Variants in ZFAND3 observed in about 807,000 individuals in gnomAD.
The protein encoded by ZFAND3 is AN1-type zinc finger protein 3.
Under a neutral mutation model 29.6 loss-of-function variants are expected in ZFAND3, and 10 were observed. The observed-to-expected ratio is 0.34, with a 90% CI of 0.21 to 0.57. The LOEUF (loss-of-function observed/expected upper bound fraction) is 0.57, where lower values mean the gene tolerates loss of function less well. ZFAND3 is among the 20% of genes least tolerant of loss of function. The pLI, the probability that ZFAND3 is intolerant of heterozygous loss-of-function variation, is 0.86. For synonymous variants in ZFAND3, 128 were observed against 112.6 expected, an observed-to-expected ratio of 1.14 and a Z score of -0.87; for missense variants, 230 against 304.5, an observed-to-expected ratio of 0.76 and a Z score of 1.82.
chr6:37,899,105 TAGTC>T (rs1423456664), intron 1 of ZFAND3, among the ~76,000 whole-genome samples: 1 of 152,144 alleles, frequency 6.6e-6, no homozygotes, highest in African/African-American at 2.4e-5. Context: ...TTCACCGTGT[TAGTC>T]AGTGTGGTCT....
chr6:38,069,357 T>C (rs1328294822), intron 3 of ZFAND3, among the ~76,000 whole-genome samples: 2 of 152,230 alleles, frequency 1.3e-5, no homozygotes, highest in Non-Finnish European at 2.9e-5. Context: ...GTCTTTCTCT[T>C]TGCTTTTCTC....
chr6:38,109,606 G>A (rs539237909), intron 4 of ZFAND3, among the ~76,000 whole-genome samples: 8 of 152,106 alleles, frequency 5.3e-5, no homozygotes, highest in Admixed American at 6.5e-5. Context: ...ATGGTGTACC[G>A]CCAAAATCAG....
rs572533631 is a variant in ZFAND3, at chr6:38,073,167, C to T, written c.296-9225C>T. ...TCCAAGTTGTTTTTACAAGTCCACG[C>T]AACAGTACCTGTGGCCTGAATAGAT... On this transcript the variant is annotated intron_variant, in intron 3 of 5. Coordinates refer to ENST00000287218, the MANE Select transcript of ZFAND3 (RefSeq NM_021943.3). Among the ~76,000 whole-genome samples, 9 of 152,234 alleles carry T rather than the reference C, an allele frequency of 5.9e-5. No homozygotes were observed. In the East Asian group the frequency reaches 1.5e-3, roughly 26 times the overall value.
In ZFAND3 at chr6:37,819,981, C is replaced by T. The variant is rs1212693166; in HGVS notation, c.36C>T (p.Pro12=). ...GDAGSERSKA[P]SLPPRCPCGF... is the part of the protein sequence containing the mutation. ...CTGGGAGCGAGCGCAGCAAAGCGCCCAGCCTGCCGCCTCGCTGTCCCTGCG... is the reference window on the plus strand; with the variant it reads ...CTGGGAGCGAGCGCAGCAAAGCGCCTAGCCTGCCGCCTCGCTGTCCCTGCG... Residue 12 remains proline (P), a synonymous_variant, in exon 1 of 6, where the codon CCC becomes CCT. Transcript: ENST00000287218. 19 of 1,222,586 alleles carry T rather than the reference C, an allele frequency of 1.6e-5. No individual in the cohort carries two copies. In the African/African-American group the frequency reaches 2.4e-4, roughly 15 times the overall value. The allele number at this position is 1,222,586 out of a possible 1,614,324, so 75.7% of individuals were successfully genotyped here.
Position 38,141,069 on chromosome 6 carries a change from G to A in ZFAND3, c.530-11166G>A, listed in dbSNP as rs917833018. 7.5e-5 allele frequency among the ~76,000 whole-genome samples: 11 copies of A among 145,906 alleles called. 1 individual carries two copies. Among genetic ancestry groups the A allele is most frequent in the Admixed American group, 3.6e-4 (5 of 14,078 alleles). On this transcript the variant is annotated intron_variant, in intron 5 of 5. Coordinates refer to ENST00000287218, the MANE Select transcript of ZFAND3 (RefSeq NM_021943.3). ...CTTGCAGTTCAGATTTTGTGGAAAC[G>A]GGGCAAAAGCATGCTTGTACTTCTA...
chr6:37,909,801 G>A (rs1480649013), intron 1 of ZFAND3, among the ~76,000 whole-genome samples: 1 of 151,986 alleles, frequency 6.6e-6, no homozygotes, highest in Non-Finnish European at 1.5e-5. Flanking sequence ...AGAGAATACA[G>A]CATGTCAATA....
At position 38,022,963 on chromosome 6, in the gene ZFAND3, G is replaced by A. The variant is rs149743104; in HGVS notation, c.113-38630G>A. On this transcript the variant is annotated intron_variant, in intron 2 of 5. Coordinates refer to ENST00000287218, the MANE Select transcript of ZFAND3 (RefSeq NM_021943.3). ...TTTTCTCTTGTAAAGGCAAGGAACG[G>A]GTATGTGTGTTGGGAGTGGTTAGCT... is the stretch of plus-strand genomic sequence containing the variant. Among the ~76,000 whole-genome samples the A allele has an allele frequency of 9.5e-3, 1,449 of 152,222 alleles. 15 individuals are homozygous for A. Among genetic ancestry groups the A allele is most frequent in the African/African-American group, 0.032 (1,339 of 41,546 alleles).
intron 1 of ZFAND3, among the ~76,000 whole-genome samples, chr6:37,927,447 G>A (rs1367587867): frequency 1.3e-5 from 2 of 152,238 alleles, no homozygotes; most frequent in East Asian, 1.9e-4. Flanking sequence ...GAGAAGTTGA[G>A]TGGAGATGAG....
intron 5 of ZFAND3, among the ~76,000 whole-genome samples, chr6:38,122,859 G>A (rs1232862719): frequency 2.6e-5 from 4 of 152,186 alleles, no homozygotes; most frequent in South Asian, 2.1e-4. Flanking sequence ...TCACAATTGG[G>A]GCTTTAAAGG....
intron 2 of ZFAND3, among the ~76,000 whole-genome samples, chr6:37,986,569 G>A (rs1310276107): frequency 2.0e-5 from 3 of 152,116 alleles, no homozygotes; most frequent in African/African-American, 4.8e-5. Flanking sequence ...ATAAAAATAA[G>A]CGTTTAATTA....
At chr6:37,877,257 T>A (rs182084279) in intron 1 of ZFAND3, among the ~76,000 whole-genome samples, 75 of 152,330 alleles carry the variant, frequency 4.9e-4, no homozygotes, top group Admixed American at 1.8e-3. Context: ...AAAAAAGTCC[T>A]TAGTGCAGCA....
At chr6:38,145,701 G>A (rs1209857205) in intron 5 of ZFAND3, among the ~76,000 whole-genome samples, 2 of 152,170 alleles carry the variant, frequency 1.3e-5, no homozygotes, top group African/African-American at 4.8e-5. Flanking sequence ...ATTTTCTGCC[G>A]GGAATGTGTT....
In ZFAND3 at chr6:37,891,424, C is replaced by G. The variant is rs538458667; in HGVS notation, c.72-38535C>G. 1.1e-4 allele frequency among the ~76,000 whole-genome samples: 16 copies of G among 143,820 alleles called. 1 individual carries two copies. Among genetic ancestry groups the G allele is most frequent in the Non-Finnish European group, 1.7e-4 (11 of 66,494 alleles). 94.4% of individuals were successfully genotyped at this position (143,820 alleles called of 152,430 possible). ...ATAGTTGGAGATTTCAGTCCCCCCCCCCGCCTTTAAAATACAAAAATTAGC... is the reference window on the plus strand; with the variant it reads ...ATAGTTGGAGATTTCAGTCCCCCCCGCCGCCTTTAAAATACAAAAATTAGC... On this transcript the variant is annotated intron_variant, in intron 1 of 5. Transcript: ENST00000287218.
chr6:37,892,933 A>C (rs1765129705), intron 1 of ZFAND3, among the ~76,000 whole-genome samples: 1 of 152,182 alleles, frequency 6.6e-6, no homozygotes, highest in African/African-American at 2.4e-5. Context: ...GGCCTGTAAC[A>C]AGTGCAGAGA....
chr6:37,874,514 C>CAA (rs11447694), intron 1 of ZFAND3, among the ~76,000 whole-genome samples: 5,729 of 78,152 alleles, frequency 0.073, 261 homozygotes, highest in Non-Finnish European at 0.093. Context: ...AACTCCGTCT[C>CAA]AAAAAAAAAA....
intron 3 of ZFAND3, among the ~76,000 whole-genome samples, chr6:38,073,336 GAA>G (rs569460054): frequency 1.0e-4 from 12 of 117,956 alleles, no homozygotes; most frequent in African/African-American, 2.5e-4. Flanking sequence ...AACTATGTTT[GAA>G]AAAAAAAAAA....
intron 2 of ZFAND3, among the ~76,000 whole-genome samples, chr6:38,024,471 A>C (rs994779731): frequency 9.6e-5 from 5 of 51,894 alleles, no homozygotes; most frequent in African/African-American, 3.4e-4. Flanking sequence ...ACTCCGTCTC[A>C]AAAAAAAAAA....
At chr6:38,114,650 A>C (rs1160074483) in intron 4 of ZFAND3, among the ~76,000 whole-genome samples, 1 of 152,160 alleles carries the variant, frequency 6.6e-6, no homozygotes, top group Non-Finnish European at 1.5e-5. Flanking sequence ...GCAAACTACC[A>C]GCATCACCAT....
chr6:38,102,507 C>A (rs1765114797), intron 4 of ZFAND3, among the ~76,000 whole-genome samples: 1 of 152,154 alleles, frequency 6.6e-6, no homozygotes, highest in African/African-American at 2.4e-5. Context: ...AGGTTAACCC[C>A]TGGGCAAGTC....
Sources: allele counts gnomAD v4.1 joint callset (sites outside exome capture counted in the v4.1 genomes callset), GRCh38; gene constraint gnomAD v4.1.1; transcripts MANE v1.5; gene names NCBI Gene and HGNC (gene_info 2026-07-23, HGNC 2026-07-21).